The following IMPG1 variants were observed in gnomAD, a reference collection of about 807,000 sequenced individuals.
IMPG1 encodes interphotoreceptor matrix proteoglycan 1.
A neutral mutation model predicts 92.0 loss-of-function variants in IMPG1; 85 were observed. That is an observed-to-expected ratio of 0.92 (90% CI 0.78 to 1.11). The LOEUF (loss-of-function observed/expected upper bound fraction) is 1.11, where lower values mean the gene tolerates loss of function less well. IMPG1 is among the 50% of genes least tolerant of loss of function. IMPG1 has a pLI of 0.00. For synonymous variants in IMPG1, 367 were observed against 334.1 expected (o/e 1.10, Z -1.08); for missense variants, 1,022 against 956.0 (o/e 1.07, Z -0.91).
At chr6:75,974,343 C>CTTTT (rs1230594770) in intron 12 of IMPG1, among the ~76,000 whole-genome samples, 1 of 86,166 alleles carries the variant, frequency 1.2e-5, no homozygotes, top group Non-Finnish European at 2.2e-5. Context: ...TTCTTTCTTT[C>CTTTT]TTTCTTTCTT....
intron 12 of IMPG1, among the ~76,000 whole-genome samples, chr6:75,952,690 A>G (rs764319832): frequency 1.3e-5 from 2 of 152,158 alleles, no homozygotes; most frequent in Non-Finnish European, 2.9e-5. Context: ...CAATGTGATG[A>G]TATTTGGACA....
At chr6:75,931,284 G>A in intron 14 of IMPG1, 133 bp from the exon 15 acceptor site, 1 of 730,462 alleles carries the variant, frequency 1.4e-6, no homozygotes, top group Non-Finnish European at 2.3e-6. Context: ...TGTGATATCA[G>A]ACTGGAGGGA....
chr6:76,032,417 T>C (rs1783667310), intron 4 of IMPG1, among the ~76,000 whole-genome samples: 1 of 152,204 alleles, frequency 6.6e-6, no homozygotes, highest in Non-Finnish European at 1.5e-5. Context: ...ACTAAGATTT[T>C]CCTTAGTCAC....
chr6:75,974,401 T>TTTCTTTCCTTCCTTCCTTGCTTGCTTCC (rs1562354905), intron 12 of IMPG1, among the ~76,000 whole-genome samples: 1 of 92,800 alleles, frequency 1.1e-5, no homozygotes, highest in African/African-American at 3.9e-5. Context: ...CTTTTCTTTC[T>TTTCTTTCCTTCCTTCCTTGCTTGCTTCC]TTCCTTCCTT....
At chr6:76,054,452 A>G (rs1318621083) in intron 1 of IMPG1, among the ~76,000 whole-genome samples, 2 of 152,200 alleles carry the variant, frequency 1.3e-5, no homozygotes, top group African/African-American at 4.8e-5. Flanking sequence ...CTGTTAAAAG[A>G]CAGTGATTGT....
intron 1 of IMPG1, among the ~76,000 whole-genome samples, chr6:76,054,694 A>G (rs1203087680): frequency 2.0e-5 from 3 of 152,128 alleles, no homozygotes; most frequent in African/African-American, 7.2e-5. Context: ...TCTGTGTGTT[A>G]ATACTCTTTC....
chr6:75,995,881 CGGGGTCTGTTTT>C (rs748606314), intron 12 of IMPG1, among the ~76,000 whole-genome samples: 3 of 152,210 alleles, frequency 2.0e-5, no homozygotes, highest in Non-Finnish European at 2.9e-5. Flanking sequence ...ATCCTTGTTT[CGGGGTCTGTTTT>C]GGGGGAACCC....
chr6:76,052,808 A>G (rs1163003618), intron 1 of IMPG1, among the ~76,000 whole-genome samples: 1 of 152,224 alleles, frequency 6.6e-6, no homozygotes, highest in Admixed American at 6.5e-5. Context: ...TCACTTTGAA[A>G]AAAATGGTGA....
chr6:76,055,750 T>A (rs1463019166), intron 1 of IMPG1, among the ~76,000 whole-genome samples: 1 of 152,034 alleles, frequency 6.6e-6, no homozygotes, highest in Non-Finnish European at 1.5e-5. Flanking sequence ...TACAAAATGT[T>A]CTATAAACAT....
chr6:75,985,133 T>A (rs1286648990), intron 12 of IMPG1, among the ~76,000 whole-genome samples: 2 of 152,256 alleles, frequency 1.3e-5, no homozygotes, highest in Admixed American at 6.5e-5. Flanking sequence ...ATTTCTTTTT[T>A]TGTAAACAAT....
At chr6:76,014,450 T>C (rs1783247485) in intron 7 of IMPG1, among the ~76,000 whole-genome samples, 1 of 152,108 alleles carries the variant, frequency 6.6e-6, no homozygotes, top group Non-Finnish European at 1.5e-5. Context: ...AACAGAAATC[T>C]AGGAGGTTGG....
chr6:76,048,963 G>C (rs1433995215), intron 1 of IMPG1, among the ~76,000 whole-genome samples: 1 of 152,166 alleles, frequency 6.6e-6, no homozygotes, highest in Non-Finnish European at 1.5e-5. Context: ...GCCCATCAGT[G>C]ATAGACTGGA....
intron 1 of IMPG1, among the ~76,000 whole-genome samples, chr6:76,047,888 A>G (rs986456453): frequency 5.3e-5 from 8 of 152,220 alleles, no homozygotes; most frequent in Non-Finnish European, 1.0e-4. Context: ...CTTATTAAAG[A>G]TAATATCCTA....
intron 6 of IMPG1, among the ~76,000 whole-genome samples, chr6:76,020,328 C>G (rs1182695109): frequency 6.6e-6 from 1 of 152,200 alleles, no homozygotes; most frequent in Admixed American, 6.5e-5. Flanking sequence ...GCTGGGATTA[C>G]AGGCATGAGC....
intron 8 of IMPG1, among the ~76,000 whole-genome samples, chr6:76,009,537 C>G (rs1232037796): frequency 6.6e-6 from 1 of 152,128 alleles, no homozygotes; most frequent in Non-Finnish European, 1.5e-5. Context: ...TACAATTTTG[C>G]CACTGTCATG....
intron 12 of IMPG1, among the ~76,000 whole-genome samples, chr6:75,981,899 T>C (rs1451710331): frequency 6.6e-6 from 1 of 152,206 alleles, no homozygotes; most frequent in Non-Finnish European, 1.5e-5. Flanking sequence ...CAAACCCAAA[T>C]TTCTAAGTAT....
At chr6:75,974,864 A>G (rs1218497275) in intron 12 of IMPG1, among the ~76,000 whole-genome samples, 1 of 152,206 alleles carries the variant, frequency 6.6e-6, no homozygotes, top group African/African-American at 2.4e-5. Flanking sequence ...ATGAAAATAA[A>G]GGTTGATTTA....
intron 12 of IMPG1, among the ~76,000 whole-genome samples, chr6:75,999,163 A>G (rs922632216): frequency 6.6e-6 from 1 of 152,018 alleles, no homozygotes; most frequent in Non-Finnish European, 1.5e-5. Context: ...GGCCGATAGG[A>G]GTGATCTTAA....
rs1214561227 is a variant in IMPG1 at position 75,921,453 on chromosome 6, T to C, written c.*636A>G. ...GTAAGATTTTTCCATGGTATGTGTA[T>C]CTGAACCTCAGTTTCTTTTAAAGAA... is the stretch of plus-strand genomic sequence containing the variant. On this transcript the variant is annotated 3_prime_UTR_variant, in exon 17 of 17. Coordinates refer to ENST00000369950, the MANE Select transcript of IMPG1 (RefSeq NM_001563.4). The C allele has an allele frequency of 6.6e-6, 1 of 152,552 alleles. No individual in the cohort carries two copies. The highest frequency in any genetic ancestry group is 2.4e-5 in the African/African-American group (1 of 41,458). 9.4% of individuals were successfully genotyped at this position (152,552 alleles called of 1,614,324 possible).
Sources: gnomAD v4.1 joint callset for allele counts (sites outside exome capture counted in the v4.1 genomes callset) on GRCh38, gnomAD v4.1.1 for gene constraint, MANE v1.5 for transcripts, NCBI Gene and HGNC (gene_info 2026-07-23, HGNC 2026-07-21) for gene names.